The following KCNH8 variants were observed in gnomAD, a reference collection of about 807,000 sequenced individuals.
The protein encoded by KCNH8 is voltage-gated delayed rectifier potassium channel KCNH8.
A neutral mutation model predicts 103.6 loss-of-function variants in KCNH8; 70 were observed. That is an observed-to-expected ratio of 0.68 (90% CI 0.56 to 0.82). The LOEUF (loss-of-function observed/expected upper bound fraction) is 0.82. Among genes scored for constraint, KCNH8 ranks in the 40% least tolerant of loss-of-function variants. KCNH8 has a pLI of 0.00. For missense variants in KCNH8, 1,217 were observed against 1,329.9 expected (o/e 0.92, Z 1.32); for synonymous variants, 498 against 489.4 (o/e 1.02, Z -0.23).
intron 5 of KCNH8, among the ~76,000 whole-genome samples, chr3:19,376,764 G>C (rs765264871): frequency 6.6e-6 from 1 of 152,234 alleles, no homozygotes; most frequent in Non-Finnish European, 1.5e-5. Context: ...AATCCAAAAA[G>C]TGCAATGGGA....
In KCNH8 at chr3:19,420,364, G is replaced by C. The variant is rs150776634; in HGVS notation, c.1178-17800G>C. 2.8e-3 allele frequency among the ~76,000 whole-genome samples: 432 copies of C among 152,270 alleles called. 4 individuals are homozygous for C. Among genetic ancestry groups the C allele is most frequent in the African/African-American group, 0.01 (420 of 41,556 alleles). ...TCTCTACCAAAAACCTGCTGCTGAT[G>C]GTCAGGGATTAAAGGCTTATTTTTA... is the stretch of plus-strand genomic sequence containing the variant. On this transcript the variant is annotated intron_variant, in intron 7 of 15. Transcript: ENST00000328405.
At chr3:19,223,921 G>T (rs576150605) in intron 1 of KCNH8, among the ~76,000 whole-genome samples, 1 of 152,148 alleles carries the variant, frequency 6.6e-6, no homozygotes, top group South Asian at 2.1e-4. Context: ...AGATAAAAAG[G>T]TATTCAATGT....
intron 11 of KCNH8, among the ~76,000 whole-genome samples, chr3:19,482,310 T>G (rs1039961265): frequency 5.3e-5 from 8 of 152,200 alleles, no homozygotes; most frequent in Non-Finnish European, 1.0e-4. Flanking sequence ...ATTTCTGCCT[T>G]TTAGTTTTTA....
At chr3:19,247,107 G>GA (rs1270773945) in intron 1 of KCNH8, among the ~76,000 whole-genome samples, 1 of 152,172 alleles carries the variant, frequency 6.6e-6, no homozygotes, top group African/African-American at 2.4e-5. Context: ...AATGAAGAAT[G>GA]AAACCTAGCA....
At chr3:19,222,992 C>G (rs1476536788) in intron 1 of KCNH8, among the ~76,000 whole-genome samples, 1 of 152,048 alleles carries the variant, frequency 6.6e-6, no homozygotes, top group East Asian at 1.9e-4. Flanking sequence ...TTTTGAGCTC[C>G]GGCACAAATA....
rs377022563 is a variant in KCNH8, at chr3:19,309,616, G to A, written c.442+28287G>A. Among the ~76,000 whole-genome samples the A allele has an allele frequency of 4.0e-5, 6 of 151,726 alleles. No homozygotes were observed. The South Asian group carries it at 6.2e-4, about 16-fold the overall frequency. Reference sequence around the variant, plus strand: ...ATTCTATATAGTAAGATAGAGCTGCGAAAAAAGTGTTTCAAGAAAGTGATG... The same window carrying A: ...ATTCTATATAGTAAGATAGAGCTGCAAAAAAAGTGTTTCAAGAAAGTGATG... On this transcript the variant is annotated intron_variant, in intron 3 of 15. Coordinates refer to ENST00000328405, the MANE Select transcript of KCNH8 (RefSeq NM_144633.3).
In KCNH8 at chr3:19,275,624, C is replaced by A. The variant is rs141131256; in HGVS notation, c.311-5574C>A. Among the ~76,000 whole-genome samples the A allele has an allele frequency of 2.1e-3, 324 of 152,186 alleles. 2 individuals carry two copies. The highest frequency in any genetic ancestry group is 3.3e-3 in the Non-Finnish European group (226 of 68,002). On this transcript the variant is annotated intron_variant, in intron 2 of 15. Transcript: ENST00000328405. Reference sequence around the variant, plus strand: ...TTTTACCTCATGTTTTCTAAAGAACCATTACTTTCATCTCTTAGTATAGTA... The same window carrying A: ...TTTTACCTCATGTTTTCTAAAGAACAATTACTTTCATCTCTTAGTATAGTA...
At chr3:19,186,697 G>A (rs2063505672) in intron 1 of KCNH8, among the ~76,000 whole-genome samples, 1 of 151,946 alleles carries the variant, frequency 6.6e-6, no homozygotes, top group South Asian at 2.1e-4. Context: ...AGGGAACTAG[G>A]CAGATGTTAC....
At chr3:19,331,364 T>C (rs754875356) in intron 3 of KCNH8, among the ~76,000 whole-genome samples, 4 of 151,912 alleles carry the variant, frequency 2.6e-5, no homozygotes, top group Non-Finnish European at 5.9e-5. Context: ...CAGTCTCAGC[T>C]CACTGCAACC....
chr3:19,246,736 T>A (rs1354066558), intron 1 of KCNH8, among the ~76,000 whole-genome samples: 1 of 152,170 alleles, frequency 6.6e-6, no homozygotes, highest in Non-Finnish European at 1.5e-5. Context: ...TCCAGTGCTA[T>A]TCTAAAGAAT....
At chr3:19,446,339 T>C (rs1187710174) in intron 8 of KCNH8, among the ~76,000 whole-genome samples, 1 of 152,002 alleles carries the variant, frequency 6.6e-6, no homozygotes, top group Non-Finnish European at 1.5e-5. Context: ...TCAGTTTCAA[T>C]GAAGCATTAT....
At chr3:19,185,655 A>G (rs1215428678) in intron 1 of KCNH8, among the ~76,000 whole-genome samples, 1 of 151,880 alleles carries the variant, frequency 6.6e-6, no homozygotes, top group Non-Finnish European at 1.5e-5. Flanking sequence ...ATGATTTACA[A>G]GAGGACCATT....
chr3:19,361,019 A>G (rs1162303096), intron 5 of KCNH8, among the ~76,000 whole-genome samples: 1 of 152,098 alleles, frequency 6.6e-6, no homozygotes, highest in Non-Finnish European at 1.5e-5. Flanking sequence ...ATGCTAAGAC[A>G]AATTTCAGTC....
At chr3:19,498,891 T>G (rs1023824386) in intron 11 of KCNH8, among the ~76,000 whole-genome samples, 2 of 152,082 alleles carry the variant, frequency 1.3e-5, no homozygotes, top group African/African-American at 4.8e-5. Flanking sequence ...GTTAGGCTGC[T>G]TGGGGGTCAG....
chr3:19,447,952 T>G (rs969787418), intron 8 of KCNH8, among the ~76,000 whole-genome samples: 1 of 151,980 alleles, frequency 6.6e-6, no homozygotes, highest in Non-Finnish European at 1.5e-5. Flanking sequence ...ATTGAGTATA[T>G]TTTGAATTTA....
intron 5 of KCNH8, among the ~76,000 whole-genome samples, chr3:19,367,739 T>C (rs1346766757): frequency 6.6e-6 from 1 of 151,858 alleles, no homozygotes; most frequent in Non-Finnish European, 1.5e-5. Context: ...AGGTAACTGA[T>C]TTTGTTTTTT....
Position 19,438,142 on chromosome 3 carries a change from T to C in KCNH8, c.1178-22T>C, listed in dbSNP as rs1447340952. On this transcript the variant is annotated intron_variant, in intron 7 of 15. Transcript: ENST00000328405. ...AGACTTTACTTTTTCTTCTCTCATT[T>C]GCTTTATTTCCTCCTTTGCAGGTTG... 4 of 1,594,752 alleles carry C rather than the reference T, an allele frequency of 2.5e-6. No homozygotes were observed. In the Admixed American group the frequency reaches 5.0e-5, roughly 20 times the overall value.
intron 3 of KCNH8, among the ~76,000 whole-genome samples, chr3:19,323,246 G>A (rs892970914): frequency 3.9e-5 from 6 of 151,992 alleles, no homozygotes; most frequent in East Asian, 1.9e-4. Context: ...TCAAGAGATC[G>A]AGACCATCCT....
chr3:19,163,982 A>G (rs1479831296), intron 1 of KCNH8, among the ~76,000 whole-genome samples: 5 of 152,240 alleles, frequency 3.3e-5, no homozygotes, highest in Non-Finnish European at 5.9e-5. Flanking sequence ...CTTCCAGTCA[A>G]CAGCAGGCTA....
Sources: gnomAD v4.1 joint callset for allele counts (sites outside exome capture counted in the v4.1 genomes callset) on GRCh38, gnomAD v4.1.1 for gene constraint, MANE v1.5 for transcripts, NCBI Gene and HGNC (gene_info 2026-07-23, HGNC 2026-07-21) for gene names.